DMBT1: variants seen among roughly 807,000 people sequenced by gnomAD.
The protein encoded by DMBT1 is scavenger receptor cysteine-rich domain-containing protein DMBT1.
DMBT1 carries 198 observed loss-of-function variants against 252.9 expected under a neutral mutation model. The observed-to-expected ratio is 0.78, with a 90% CI of 0.70 to 0.88. The LOEUF (loss-of-function observed/expected upper bound fraction) is 0.88. Among genes scored for constraint, DMBT1 ranks in the 40% least tolerant of loss-of-function variants. DMBT1 has a pLI of 0.00. For missense variants in DMBT1, 2,432 were observed against 2,404.7 expected, an observed-to-expected ratio of 1.01 and a Z score of -0.24; for synonymous variants, 990 against 942.7, an observed-to-expected ratio of 1.05 and a Z score of -0.92.
rs866717143 is a variant in DMBT1, at chr10:122,633,014, T to G, written c.6397+124T>G. On this transcript the variant is annotated intron_variant, in intron 51 of 55. Coordinates refer to ENST00000338354, the MANE Select transcript of DMBT1 (RefSeq NM_001377530.1). ...CCCCAAAGTGGTCTCCCTGCAAGAG[T>G]GCCCTGCCAGCCCTCAGTGGACGGT... 21 of 1,532,684 alleles carry G rather than the reference T, an allele frequency of 1.4e-5. No individual in the cohort carries two copies. The Middle Eastern group carries it at 1.6e-3, about 116-fold the overall frequency. 94.9% of individuals were successfully genotyped at this position (1,532,684 alleles called of 1,614,324 possible).
At chr10:122,634,464 CTCTCTCTCTCTCTCTCTTTCTCTCTTTT>C (rs2098207667) in intron 52 of DMBT1, among the ~76,000 whole-genome samples, 1 of 88,158 alleles carries the variant, frequency 1.1e-5, no homozygotes, top group African/African-American at 5.5e-5. Context: ...CTCTCTCTCT[CTCTCTCTCTCTCTCTCTTTCTCTCTTTT>C]TCTTTCTTTC....
At chr10:122,621,966 A>C (rs1250825219) in intron 44 of DMBT1, among the ~76,000 whole-genome samples, 1 of 152,160 alleles carries the variant, frequency 6.6e-6, no homozygotes, top group African/African-American at 2.4e-5. Flanking sequence ...CTCCCATGAG[A>C]TCTGCCAGGC....
chr10:122,639,531 T>G (rs903299237), intron 54 of DMBT1, among the ~76,000 whole-genome samples: 9 of 152,058 alleles, frequency 5.9e-5, no homozygotes, highest in Non-Finnish European at 1.3e-4. Flanking sequence ...TGGGGGAGCT[T>G]CTGAGCCAGG....
intron 24 of DMBT1, among the ~76,000 whole-genome samples, chr10:122,597,381 T>A (rs1322832870): frequency 2.6e-5 from 4 of 152,162 alleles, no homozygotes; most frequent in African/African-American, 7.2e-5. Context: ...TTCCTGAGAA[T>A]TGAGAGTGAT....
At chr10:122,634,043 G>T (rs915875651) in intron 52 of DMBT1, among the ~76,000 whole-genome samples, 2 of 152,152 alleles carry the variant, frequency 1.3e-5, no homozygotes, top group Admixed American at 1.3e-4. Flanking sequence ...AGGCTGAGGT[G>T]GGAGAATCGC....
At position 122,579,660 on chromosome 10, in the gene DMBT1, C is replaced by T. The variant is rs1408696123; in HGVS notation, c.762C>T (p.Ser254=). The part of the protein sequence containing the change: ...RGRVEVLYRG[S]WGTVCDDYWD... ...GAGTGGAGGTCCTATACCGAGGCTC[C>T]TGGGGCACCGTGTGTGATGACTACT... The change falls in exon 10 of 56, where the codon TCC becomes TCT. Residue 254 remains serine, a synonymous_variant. Transcript: ENST00000338354. The T allele has an allele frequency of 2.5e-6, 4 of 1,613,682 alleles. No individual in the cohort carries two copies. The highest frequency in any genetic ancestry group is 3.3e-5 in the Admixed American group (2 of 59,996).
Position 122,576,602 on chromosome 10 carries a change from C to A in DMBT1, c.487C>A (p.Pro163Thr), listed in dbSNP as rs769312664. The change falls in exon 7 of 56, where the codon CCC (proline) becomes ACC (threonine). Residue 163 changes from proline to threonine, a missense_variant. Transcript: ENST00000338354. ...TGCCTGGTTTGGCCAGGGCTCAGGA[C>A]CCATTGCCCTGGATGATGTGCGCTG... Reference protein sequence around the residue: ...GNAWFGQGSGPIALDDVRCSG... With the variant: ...GNAWFGQGSGTIALDDVRCSG... 3 of 1,613,866 alleles carry A rather than the reference C, an allele frequency of 1.9e-6. No homozygotes were observed. Among genetic ancestry groups the A allele is most frequent in the Non-Finnish European group, 2.5e-6 (3 of 1,179,798 alleles).
chr10:122,634,449 TCTC>T (rs1566008505), intron 52 of DMBT1, among the ~76,000 whole-genome samples: 2,382 of 73,334 alleles, frequency 0.032, 42 homozygotes, highest in African/African-American at 0.11. Flanking sequence ...TCTCTCTCTC[TCTC>T]TCTCTCTCTC....
chr10:122,598,034 C>T (rs773659298), intron 25 of DMBT1, 22 bp downstream of exon 25: 145 of 1,613,740 alleles, frequency 9.0e-5, no homozygotes, highest in Non-Finnish European at 1.1e-4. Context: ...TCTCGCCCCT[C>T]CCTAGGGCTC....
intron 40 of DMBT1, 105 bp from the exon 41 acceptor site, chr10:122,617,912 G>A (rs1392171367): frequency 8.4e-6 from 13 of 1,551,992 alleles, no homozygotes; most frequent in Admixed American, 1.8e-5. Flanking sequence ...GTGACTGCTT[G>A]CCCAGGTGAC....
At position 122,637,294 on chromosome 10, in the gene DMBT1, C is replaced by T; in HGVS notation, c.6924C>T (p.Gly2308=). The change falls in exon 54 of 56, where the codon GGC becomes GGT. Residue 2308 remains glycine (G), a synonymous_variant. Coordinates refer to ENST00000338354, the MANE Select transcript of DMBT1 (RefSeq NM_001377530.1). The part of the protein sequence containing the change: ...NLVIFTIPYS[G]CGTFKQADND... ...TGATATTCACAATTCCCTACTCAGG[C>T]TGCGGCACCTTCAAGCAGGTAAGCC... 6.2e-7 allele frequency: 1 copy of T among 1,610,576 alleles called. No homozygotes were observed. Among genetic ancestry groups the T allele is most frequent in the South Asian group, 1.1e-5 (1 of 90,474 alleles).
In DMBT1 at chr10:122,565,990, G is replaced by C. The variant is rs375223052; in HGVS notation, c.85G>C (p.Asp29His). The C allele has an allele frequency of 1.9e-6, 3 of 1,613,984 alleles. No homozygotes were observed. Among genetic ancestry groups the C allele is most frequent in the Non-Finnish European group, 2.5e-6 (3 of 1,179,858 alleles). The change falls in exon 2 of 56, where the codon GAC becomes CAC. Residue 29 changes from aspartate to histidine, a missense_variant. Around this residue, in one of 3 missense-constraint regions of DMBT1, gnomAD observed 1,264 missense variants for 1,082.2 expected, o/e 1.17. Transcript: ENST00000338354. ...AGGTGGGTGGATCCCAAGGACTACA[G>C]ACTACGGTAAGACCTTTTCTTCACT... Reference protein sequence around the residue: ...STGGWIPRTTDYASLIPSEVP... With the variant: ...STGGWIPRTTHYASLIPSEVP...
chr10:122,625,791 A>G lies in DMBT1; in HGVS notation c.5636-142A>G. Reference sequence around the variant, plus strand: ...CTACATACTCTAGACCTTACTGGCCATGAACAGTGTAAACTGGAATGGTCA... The same window carrying G: ...CTACATACTCTAGACCTTACTGGCCGTGAACAGTGTAAACTGGAATGGTCA... On this transcript the variant is annotated intron_variant, in intron 45 of 55. Transcript: ENST00000338354. 2.4e-5 allele frequency: 18 copies of G among 735,164 alleles called. No individual in the cohort carries two copies. The South Asian group carries it at 2.7e-4, about 11-fold the overall frequency. 45.5% of individuals were successfully genotyped at this position (735,164 alleles called of 1,614,324 possible).
rs1050288539 is a variant in DMBT1 at position 122,617,360 on chromosome 10, C to G, written c.4891+100C>G. Reference sequence around the variant, plus strand: ...GGCTCAAGGTGGGCCCCTCTCTTTTCATGTCCCTGTGGGTTGGGTGGGAGG... The same window carrying G: ...GGCTCAAGGTGGGCCCCTCTCTTTTGATGTCCCTGTGGGTTGGGTGGGAGG... On this transcript the variant is annotated intron_variant, in intron 40 of 55. Transcript: ENST00000338354. 3.9e-5 allele frequency: 55 copies of G among 1,416,230 alleles called. No individual in the cohort carries two copies. In the Admixed American group the frequency reaches 8.0e-4, roughly 20 times the overall value. The allele number at this position is 1,416,230 out of a possible 1,614,324, so 87.7% of individuals were successfully genotyped here.
At chr10:122,586,433 G>C in intron 16 of DMBT1, 50 bp downstream of exon 16, 1 of 1,580,610 alleles carries the variant, frequency 6.3e-7, no homozygotes, top group Non-Finnish European at 8.6e-7. Flanking sequence ...ATTTTGCTCA[G>C]GAAGGTTTTA....
chr10:122,626,030 C>T, intron 46 of DMBT1, 65 bp downstream of exon 46: 1 of 1,399,376 alleles, frequency 7.1e-7, no homozygotes, highest in Non-Finnish European at 1.0e-6. Flanking sequence ...CTTGGCTATC[C>T]ATGAGCGAAT....
chr10:122,579,244 G>A (rs1424213951), intron 9 of DMBT1, among the ~76,000 whole-genome samples: 3 of 152,104 alleles, frequency 2.0e-5, no homozygotes, highest in Non-Finnish European at 2.9e-5. Flanking sequence ...TCCCAGATAG[G>A]ACCATGCTCC....
intron 1 of DMBT1, among the ~76,000 whole-genome samples, chr10:122,563,476 T>C (rs1359456639): frequency 6.6e-6 from 1 of 151,932 alleles, no homozygotes; most frequent in African/African-American, 2.4e-5. Context: ...AGTAGGAAGG[T>C]ACCAGTGTTT....
At chr10:122,568,964 C>T (rs2097632199) in intron 2 of DMBT1, among the ~76,000 whole-genome samples, 1 of 152,228 alleles carries the variant, frequency 6.6e-6, no homozygotes, top group Non-Finnish European at 1.5e-5. Flanking sequence ...TATTACCACA[C>T]ATAAGTATGT....
Sources: allele counts gnomAD v4.1 joint callset (sites outside exome capture counted in the v4.1 genomes callset), GRCh38; gene constraint gnomAD v4.1.1; regional missense constraint gnomAD v4.1.1; transcripts MANE v1.5; gene names NCBI Gene and HGNC (gene_info 2026-07-23, HGNC 2026-07-21).